MCTP1: variants seen among roughly 807,000 people sequenced by gnomAD.
The protein encoded by MCTP1 is multiple C2 and transmembrane domain-containing protein 1.
In MCTP1, 69 loss-of-function variants were observed where a neutral mutation model predicts 120.6. The observed-to-expected ratio is 0.57, with a 90% CI of 0.47 to 0.70. The LOEUF is 0.70. Ranked by LOEUF, MCTP1 falls within the 30% of genes least tolerant of loss-of-function variation. The pLI is 0.00. For missense variants in MCTP1, 1,203 were observed against 1,248.8 expected (o/e 0.96, Z 0.55); for synonymous variants, 529 against 493.1 (o/e 1.07, Z -0.96).
chr5:94,883,972 T>G (rs921938375), intron 12 of MCTP1, among the ~76,000 whole-genome samples: 6 of 152,234 alleles, frequency 3.9e-5, no homozygotes, highest in Non-Finnish European at 8.8e-5. Flanking sequence ...ACTTGCCTTT[T>G]TCTGTACAGC....
chr5:95,083,572 G>C (rs1425403972), intron 1 of MCTP1, among the ~76,000 whole-genome samples: 2 of 152,188 alleles, frequency 1.3e-5, no homozygotes, highest in African/African-American at 2.4e-5. Context: ...GGTTAAGTTT[G>C]TAGAATGTTA....
chr5:94,873,270 A>G (rs1205210448), intron 12 of MCTP1, 29 bp from the exon 13 acceptor site: 4 of 1,282,702 alleles, frequency 3.1e-6, no homozygotes, highest in African/African-American at 2.9e-5. Flanking sequence ...AAATATTTTT[A>G]GTGTACATAG....
intron 19 of MCTP1, among the ~76,000 whole-genome samples, chr5:94,756,444 C>T (rs771394304): frequency 6.5e-4 from 99 of 152,222 alleles, no homozygotes; most frequent in Admixed American, 9.8e-4. Flanking sequence ...TGACAGGAGA[C>T]GGTGGAGCTC....
chr5:95,091,313 T>A (rs1025991402), intron 1 of MCTP1, among the ~76,000 whole-genome samples: 5 of 152,228 alleles, frequency 3.3e-5, no homozygotes, highest in Admixed American at 3.3e-4. Context: ...TCATAATTCA[T>A]TGCAGGAACT....
chr5:94,911,389 C>T (rs540195815), intron 9 of MCTP1, among the ~76,000 whole-genome samples: 2 of 152,304 alleles, frequency 1.3e-5, no homozygotes, highest in South Asian at 2.1e-4. Context: ...GTACTCCCCA[C>T]ATGTTGGAGG....
intron 17 of MCTP1, among the ~76,000 whole-genome samples, chr5:94,799,386 G>A (rs1780734292): frequency 6.6e-6 from 1 of 152,212 alleles, no homozygotes; most frequent in East Asian, 1.9e-4. Context: ...TGTCAAAGAC[G>A]AAATTTGAGT....
chr5:95,170,190 G>A (rs1320561765), intron 1 of MCTP1, among the ~76,000 whole-genome samples: 9 of 152,162 alleles, frequency 5.9e-5, no homozygotes, highest in East Asian at 3.8e-4. Flanking sequence ...TTCAGGAGCT[G>A]GTTGTTCAGT....
chr5:95,186,477 C>T (rs1315525173), intron 1 of MCTP1, among the ~76,000 whole-genome samples: 1 of 151,984 alleles, frequency 6.6e-6, no homozygotes, highest in Non-Finnish European at 1.5e-5. Context: ...TGCATGGGAT[C>T]TTATGCTAAA....
In MCTP1 at chr5:95,233,395, C is replaced by T. The variant is rs879467293; in HGVS notation, c.720+50461G>A. 5.0e-4 allele frequency among the ~76,000 whole-genome samples: 75 copies of T among 151,270 alleles called. 1 individual carries two copies. Among genetic ancestry groups the T allele is most frequent in the Middle Eastern group, 3.4e-3 (1 of 294 alleles). On this transcript the variant is annotated intron_variant, in intron 1 of 22. Transcript: ENST00000515393. ...CTAGGCTGGAGTGCAGTGGCACGAT[C>T]TCAGCTCACTGCAAACTCTGCCTCC...
chr5:94,960,083 T>G (rs1012284721), intron 2 of MCTP1, among the ~76,000 whole-genome samples: 1 of 151,998 alleles, frequency 6.6e-6, no homozygotes, highest in Non-Finnish European at 1.5e-5. Flanking sequence ...TATAGACCAA[T>G]GGAACAGAAC....
rs142360184 is a variant in MCTP1 at position 95,023,181 on chromosome 5, C to T, written c.721-5697G>A. Among the ~76,000 whole-genome samples, 913 of 152,258 alleles carry T rather than the reference C, an allele frequency of 6.0e-3. 9 individuals are homozygous for T. Among genetic ancestry groups the T allele is most frequent in the African/African-American group, 0.021 (858 of 41,544 alleles). Reference sequence around the variant, plus strand: ...GCTTTTGAAGACAGAAACAATAGAACCAGGCTCCAGTGAACACACACTTAC... The same window carrying T: ...GCTTTTGAAGACAGAAACAATAGAATCAGGCTCCAGTGAACACACACTTAC... On this transcript the variant is annotated intron_variant, in intron 1 of 22. Transcript: ENST00000515393.
chr5:94,768,822 A>G (rs1034610721), intron 19 of MCTP1, among the ~76,000 whole-genome samples: 5 of 152,290 alleles, frequency 3.3e-5, no homozygotes, highest in African/African-American at 1.2e-4. Context: ...GGAAATCAAC[A>G]TGGAGGTTTC....
At chr5:94,868,586 A>T in intron 16 of MCTP1, 134 bp from the exon 17 acceptor site, 1 of 542,002 alleles carries the variant, frequency 1.8e-6, no homozygotes, top group Non-Finnish European at 2.9e-6. Context: ...ATACCAAACA[A>T]TTTGGCTCAC....
At chr5:94,959,004 T>G (rs1823434457) in intron 2 of MCTP1, among the ~76,000 whole-genome samples, 8 of 152,160 alleles carry the variant, frequency 5.3e-5, no homozygotes, top group Admixed American at 5.2e-4. Flanking sequence ...TGATGAACAT[T>G]GATGTGAAAA....
At chr5:94,913,388 CTA>C (rs1165620798) in intron 8 of MCTP1, among the ~76,000 whole-genome samples, 1 of 152,054 alleles carries the variant, frequency 6.6e-6, no homozygotes, top group African/African-American at 2.4e-5. Flanking sequence ...TTGAAGATCT[CTA>C]TGTTATAAAT....
Position 95,223,254 on chromosome 5 carries a change from C to A in MCTP1, c.720+60602G>T, listed in dbSNP as rs554559927. ...ATCACTTGAGCCCAGGAGTTTGAGA[C>A]CAGCCTGAGCAACATGGCAAAACCC... On this transcript the variant is annotated intron_variant, in intron 1 of 22. Transcript: ENST00000515393. 3.2e-3 allele frequency among the ~76,000 whole-genome samples: 481 copies of A among 152,146 alleles called. 3 individuals are homozygous for A. The highest frequency in any genetic ancestry group is 3.4e-3 in the Non-Finnish European group (229 of 68,008).
chr5:94,917,495 G>A (rs1454183319), intron 8 of MCTP1, among the ~76,000 whole-genome samples: 3 of 152,172 alleles, frequency 2.0e-5, no homozygotes, highest in African/African-American at 7.2e-5. Context: ...TCTGAGATGT[G>A]ATTCAGTTCT....
At chr5:94,817,407 A>AAAACAAAT (rs1554105577) in intron 17 of MCTP1, among the ~76,000 whole-genome samples, 1 of 150,034 alleles carries the variant, frequency 6.7e-6, no homozygotes, top group South Asian at 2.1e-4. Flanking sequence ...CTCTTGTCTC[A>AAAACAAAT]AAACAAACAA....
rs930841145 is a variant in MCTP1 at position 95,284,148 on chromosome 5, G to T, written c.428C>A (p.Ala143Glu). The change falls in exon 1 of 23, where the codon GCG becomes GAG. Residue 143 changes from alanine (A) to glutamate (E), a missense_variant. Around this residue, in one of 2 missense-constraint regions of MCTP1, gnomAD observed 463 missense variants for 377.8 expected, o/e 1.23. Transcript: ENST00000515393. The surrounding 1 kb of genome is among the most constrained non-coding windows in gnomAD (Gnocchi z 5.2). ...GCGTCCGCCAGGAGGCGTCCCTCCC[G>T]CTGCTCCCGAGGCCGCCGCGGGCCC... The part of the protein sequence containing the change: ...VKGPAAASGA[A>E]GGTPPGGRSP... 2 of 1,558,838 alleles carry T rather than the reference G, an allele frequency of 1.3e-6. No individual in the cohort carries two copies. Among genetic ancestry groups the T allele is most frequent in the Non-Finnish European group, 1.7e-6 (2 of 1,152,032 alleles).
Sources: allele counts gnomAD v4.1 joint callset (sites outside exome capture counted in the v4.1 genomes callset), GRCh38; gene constraint gnomAD v4.1.1; regional missense constraint gnomAD v4.1.1; non-coding constraint Gnocchi (gnomAD v3.1); transcripts MANE v1.5; gene names NCBI Gene and HGNC (gene_info 2026-07-23, HGNC 2026-07-21).